The following NRG3 variants were observed in gnomAD, a reference collection of about 807,000 sequenced individuals.
The protein encoded by NRG3 is neuregulin 3, also known as pro-neuregulin-3, membrane-bound isoform.
NRG3 carries 31 observed loss-of-function variants against 66.9 expected under a neutral mutation model. The ratio of observed to expected loss-of-function variants is 0.46; its 90% CI spans 0.35 to 0.63. The LOEUF (loss-of-function observed/expected upper bound fraction) is 0.63. Ranked by LOEUF, NRG3 falls within the 20% of genes least tolerant of loss-of-function variation. The pLI, the probability that NRG3 is intolerant of heterozygous loss-of-function variation, is 0.00. For missense variants in NRG3, 910 were observed against 878.9 expected (o/e 1.04, Z -0.45); for synonymous variants, 393 against 359.4 (o/e 1.09, Z -1.06).
chr10:81,902,861 A>G (rs1033507546), intron 1 of NRG3, among the ~76,000 whole-genome samples: 1 of 152,176 alleles, frequency 6.6e-6, no homozygotes, highest in Non-Finnish European at 1.5e-5. Context: ...CCTGAAGGAA[A>G]CCAATAAAAA....
intron 1 of NRG3, among the ~76,000 whole-genome samples, chr10:82,156,407 G>A (rs1348592760): frequency 6.6e-6 from 1 of 151,448 alleles, no homozygotes; most frequent in East Asian, 1.9e-4. Context: ...AAAATCTATA[G>A]ATTAAAATTT....
intron 1 of NRG3, among the ~76,000 whole-genome samples, chr10:81,883,716 T>C (rs1343361523): frequency 6.6e-6 from 1 of 152,210 alleles, no homozygotes; most frequent in East Asian, 1.9e-4. Context: ...CTCAGATACC[T>C]TCCTATGACT....
chr10:82,648,888 A>T (rs1041457525), intron 2 of NRG3, among the ~76,000 whole-genome samples: 1 of 152,214 alleles, frequency 6.6e-6, no homozygotes, highest in African/African-American at 2.4e-5. Flanking sequence ...GTTGCTGATC[A>T]GCTTAAGGAG....
intron 1 of NRG3, among the ~76,000 whole-genome samples, chr10:82,107,275 A>AT (rs1457418593): frequency 1.3e-5 from 2 of 152,162 alleles, no homozygotes; most frequent in Non-Finnish European, 2.9e-5. Flanking sequence ...TGGATTTTGG[A>AT]TTTTTAGATT....
In NRG3 at chr10:82,756,862, T is replaced by C. The variant is rs17100748; in HGVS notation, c.1027+18212T>C. 8.4e-3 allele frequency among the ~76,000 whole-genome samples: 1,281 copies of C among 152,058 alleles called. 13 individuals are homozygous for C. The highest frequency in any genetic ancestry group is 0.025 in the African/African-American group (1,051 of 41,494). ...ATTTGGAAAAAAGCTGCATATTTCA[T>C]TGACTCTTCTGAACAAAGGTCATTA... On this transcript the variant is annotated intron_variant, in intron 3 of 8. Coordinates refer to ENST00000372141, the MANE Select transcript of NRG3 (RefSeq NM_001010848.4).
At chr10:82,061,153 C>T (rs1314189807) in intron 1 of NRG3, among the ~76,000 whole-genome samples, 5 of 152,080 alleles carry the variant, frequency 3.3e-5, no homozygotes, top group South Asian at 2.1e-4. Flanking sequence ...GAGTTCAAGA[C>T]CAGCCTAGCC....
At chr10:82,770,083 A>G (rs2059658738) in intron 3 of NRG3, among the ~76,000 whole-genome samples, 1 of 152,154 alleles carries the variant, frequency 6.6e-6, no homozygotes, top group African/African-American at 2.4e-5. Context: ...AATGAATAGA[A>G]TAAAAATGAG....
chr10:82,720,973 GTA>G (rs2057282029), intron 2 of NRG3, among the ~76,000 whole-genome samples: 1 of 150,416 alleles, frequency 6.6e-6, no homozygotes, highest in African/African-American at 2.5e-5. Context: ...CAGTTAAATA[GTA>G]TTCCTCTGAA....
chr10:81,909,690 T>A (rs1844937511), intron 1 of NRG3, among the ~76,000 whole-genome samples: 2 of 152,184 alleles, frequency 1.3e-5, no homozygotes, highest in Non-Finnish European at 2.9e-5. Context: ...AAAGCAGTTG[T>A]ATCCTCATGA....
In NRG3 at chr10:82,088,125, G is replaced by C. The variant is rs574385284; in HGVS notation, c.823+211962G>C. 3.3e-5 allele frequency among the ~76,000 whole-genome samples: 5 copies of C among 152,210 alleles called. No individual in the cohort carries two copies. The South Asian group carries it at 1.0e-3, about 32-fold the overall frequency. Reference sequence around the variant, plus strand: ...TTCCCTGTAGGATGTAGAGAAAGACGATTCCCTACTTTCCTACTTCTCAAG... The same window carrying C: ...TTCCCTGTAGGATGTAGAGAAAGACCATTCCCTACTTTCCTACTTCTCAAG... On this transcript the variant is annotated intron_variant, in intron 1 of 8. Transcript: ENST00000372141.
At chr10:82,818,542 A>G (rs574506109) in intron 3 of NRG3, among the ~76,000 whole-genome samples, 2 of 152,318 alleles carry the variant, frequency 1.3e-5, no homozygotes, top group South Asian at 4.1e-4. Context: ...CAGTCTGGAC[A>G]CTGAGACCAG....
intron 1 of NRG3, among the ~76,000 whole-genome samples, chr10:82,295,444 G>A (rs190565327): frequency 5.9e-4 from 89 of 151,948 alleles, no homozygotes; most frequent in Admixed American, 1.0e-3. Context: ...TTTTGTTATC[G>A]AGGGTACATT....
At chr10:82,966,522 T>C (rs1592117753) in intron 6 of NRG3, among the ~76,000 whole-genome samples, 1 of 152,302 alleles carries the variant, frequency 6.6e-6, no homozygotes, top group East Asian at 1.9e-4. Context: ...TTATCATCTG[T>C]CTGAGGTAAT....
rs78857615 is a variant in NRG3 at position 82,148,075 on chromosome 10, G to A, written c.824-210664G>A. ...TTCCTTATAGCTTTTATGGCTAACCGTTCTAAGACATATACAGTGCTGTGT... is the reference window on the plus strand; with the variant it reads ...TTCCTTATAGCTTTTATGGCTAACCATTCTAAGACATATACAGTGCTGTGT... On this transcript the variant is annotated intron_variant, in intron 1 of 8. Transcript: ENST00000372141. Among the ~76,000 whole-genome samples the A allele has an allele frequency of 5.2e-3, 790 of 152,210 alleles. 8 individuals are homozygous for A. The highest frequency in any genetic ancestry group is 0.018 in the African/African-American group (741 of 41,546).
intron 2 of NRG3, among the ~76,000 whole-genome samples, chr10:82,608,856 C>A (rs1326873202): frequency 1.3e-5 from 2 of 152,060 alleles, no homozygotes; most frequent in African/African-American, 4.8e-5. Context: ...TTAGAAGCAC[C>A]AACATATTTT....
At chr10:82,435,117 T>G (rs2090054057) in intron 2 of NRG3, among the ~76,000 whole-genome samples, 1 of 152,190 alleles carries the variant, frequency 6.6e-6, no homozygotes, top group African/African-American at 2.4e-5. Flanking sequence ...TGCCTCTGTT[T>G]CAGAGCTTGT....
At chr10:81,991,592 G>C (rs985996782) in intron 1 of NRG3, among the ~76,000 whole-genome samples, 8 of 152,088 alleles carry the variant, frequency 5.3e-5, no homozygotes, top group Non-Finnish European at 2.9e-5. Flanking sequence ...AAGTGGAAAT[G>C]GCAAGTTAGA....
intron 3 of NRG3, among the ~76,000 whole-genome samples, chr10:82,751,867 C>G (rs960531834): frequency 1.3e-5 from 2 of 152,040 alleles, no homozygotes; most frequent in Non-Finnish European, 2.9e-5. Context: ...CAGACTATGT[C>G]TTAAATGTTT....
At chr10:82,136,504 A>G (rs1080293) in intron 1 of NRG3, among the ~76,000 whole-genome samples, 106,535 of 152,048 alleles carry the variant, frequency 0.7, 38,151 homozygotes, top group Non-Finnish European at 0.8. Flanking sequence ...AATCTACTTG[A>G]TGCTCCATTT....
Sources: allele counts gnomAD v4.1 joint callset (sites outside exome capture counted in the v4.1 genomes callset), GRCh38; gene constraint gnomAD v4.1.1; transcripts MANE v1.5; gene names NCBI Gene and HGNC (gene_info 2026-07-23, HGNC 2026-07-21).